TMEM108: variants seen among roughly 807,000 people sequenced by gnomAD.
The protein encoded by TMEM108 is cancer/testis antigen 124.
Under a neutral mutation model 35.1 loss-of-function variants are expected in TMEM108, and 12 were observed. The ratio of observed to expected loss-of-function variants is 0.34; its 90% CI spans 0.22 to 0.55. The LOEUF (loss-of-function observed/expected upper bound fraction) is 0.55. Among genes scored for constraint, TMEM108 ranks in the 20% least tolerant of loss-of-function variants. The probability of loss-of-function intolerance (pLI) is 0.89; values close to 1 mark genes in which losing one functional copy is unlikely to be tolerated. For missense variants in TMEM108, 680 were observed against 753.3 expected, an observed-to-expected ratio of 0.90 and a Z score of 1.14; for synonymous variants, 287 against 308.6, an observed-to-expected ratio of 0.93 and a Z score of 0.73.
intron 2 of TMEM108, among the ~76,000 whole-genome samples, chr3:133,164,234 G>A (rs2107782447): frequency 6.6e-6 from 1 of 152,270 alleles, no homozygotes; most frequent in Non-Finnish European, 1.5e-5. Flanking sequence ...ACAAGACCAA[G>A]TGTCAAGTCA....
At chr3:133,313,291 G>A (rs150822300) in intron 3 of TMEM108, among the ~76,000 whole-genome samples, 2,681 of 151,210 alleles carry the variant, frequency 0.018, 67 homozygotes, top group African/African-American at 0.06. Flanking sequence ...TCCGCCTCCC[G>A]GGTGCACACC....
rs1576315302 is a variant in TMEM108, at chr3:133,094,829, T to A, written c.-47+48809T>A. Among the ~76,000 whole-genome samples the A allele has an allele frequency of 3.3e-5, 5 of 152,338 alleles. 1 individual carries two copies. Among genetic ancestry groups the A allele is most frequent in the Admixed American group, 3.3e-4 (5 of 15,284 alleles). Reference sequence around the variant, plus strand: ...CATAACACTTTATCTTGTTTTTTTTTAATTCAGGGTATTTATTACTTCCTC... The same window carrying A: ...CATAACACTTTATCTTGTTTTTTTTAAATTCAGGGTATTTATTACTTCCTC... On this transcript the variant is annotated intron_variant, in intron 2 of 5. Coordinates refer to ENST00000321871, the MANE Select transcript of TMEM108 (RefSeq NM_023943.4).
At chr3:133,178,986 G>A (rs1945285624) in intron 2 of TMEM108, among the ~76,000 whole-genome samples, 1 of 152,154 alleles carries the variant, frequency 6.6e-6, no homozygotes, top group African/African-American at 2.4e-5. Context: ...CCATCAAAAA[G>A]TGGGCGAAAG....
chr3:133,299,800 A>G (rs549344304), intron 3 of TMEM108, among the ~76,000 whole-genome samples: 2 of 152,210 alleles, frequency 1.3e-5, no homozygotes, highest in African/African-American at 4.8e-5. Flanking sequence ...CTTCTCCTGG[A>G]CCATCCCAGT....
chr3:133,359,248 A>G lies in TMEM108; in HGVS notation c.41-20504A>G, dbSNP rs945703618. On this transcript the variant is annotated intron_variant, in intron 3 of 5. Transcript: ENST00000321871. ...GCTGGCAAGAAAATTCTATAGTCAA[A>G]TCATTTTGGAAACCCTGCTTTTTAA... 4.6e-5 allele frequency among the ~76,000 whole-genome samples: 7 copies of G among 152,326 alleles called. No individual in the cohort carries two copies. In the East Asian group the frequency reaches 9.6e-4, roughly 21 times the overall value.
At chr3:133,114,139 T>A (rs555281496) in intron 2 of TMEM108, among the ~76,000 whole-genome samples, 142 of 152,264 alleles carry the variant, frequency 9.3e-4, no homozygotes, top group Non-Finnish European at 1.3e-3. Flanking sequence ...TGGAGTCTCA[T>A]GTGTGCATTC....
intron 3 of TMEM108, among the ~76,000 whole-genome samples, chr3:133,250,532 A>G (rs1394534886): frequency 6.6e-6 from 1 of 152,244 alleles, no homozygotes; most frequent in African/African-American, 2.4e-5. Flanking sequence ...TGGGTGAGTC[A>G]AAAGTTATAT....
chr3:133,360,170 T>C (rs1283338366), intron 3 of TMEM108, among the ~76,000 whole-genome samples: 1 of 152,032 alleles, frequency 6.6e-6, no homozygotes, highest in Non-Finnish European at 1.5e-5. Context: ...AGAAAGCAGA[T>C]CATTTGCTTG....
chr3:133,067,021 T>C (rs1027346058), intron 2 of TMEM108, among the ~76,000 whole-genome samples: 1 of 152,208 alleles, frequency 6.6e-6, no homozygotes, highest in Non-Finnish European at 1.5e-5. Flanking sequence ...GGTAAACATG[T>C]ACTACTTATC....
intron 2 of TMEM108, among the ~76,000 whole-genome samples, chr3:133,166,496 G>A (rs1195811817): frequency 1.3e-5 from 2 of 152,208 alleles, no homozygotes; most frequent in Non-Finnish European, 2.9e-5. Flanking sequence ...TCCGGAGTTT[G>A]TTCCTTCTGA....
At chr3:133,117,940 G>T (rs541821992) in intron 2 of TMEM108, among the ~76,000 whole-genome samples, 1 of 152,276 alleles carries the variant, frequency 6.6e-6, no homozygotes, top group Admixed American at 6.5e-5. Flanking sequence ...GTCCAGAGAG[G>T]CGGGAAGCTG....
chr3:133,326,695 G>A (rs1200005654), intron 3 of TMEM108, among the ~76,000 whole-genome samples: 2 of 152,186 alleles, frequency 1.3e-5, no homozygotes, highest in African/African-American at 2.4e-5. Context: ...CCTAAAGGAA[G>A]GAACCGTACT....
intron 2 of TMEM108, among the ~76,000 whole-genome samples, chr3:133,078,263 C>A (rs1478637655): frequency 6.6e-6 from 1 of 151,870 alleles, no homozygotes; most frequent in Non-Finnish European, 1.5e-5. Flanking sequence ...AGGGCATATA[C>A]CTCCCTATTC....
In TMEM108 at chr3:133,397,459, G is replaced by A. The variant is rs1004381645; in HGVS notation, c.*1473G>A. 5.3e-5 allele frequency: 8 copies of A among 150,874 alleles called. No homozygotes were observed. Among genetic ancestry groups the A allele is most frequent in the African/African-American group, 7.3e-5 (3 of 41,170 alleles). The allele number at this position is 150,874 out of a possible 1,614,324, so 9.3% of individuals were successfully genotyped here. On this transcript the variant is annotated 3_prime_UTR_variant, in exon 6 of 6. Coordinates refer to ENST00000321871, the MANE Select transcript of TMEM108 (RefSeq NM_023943.4). ...GTATGAACCTCCTTCACATGAGTTC[G>A]GTTGTTGTCTCTCTTCAAAGACTCT...
At chr3:133,384,911 C>G (rs1338510256) in intron 4 of TMEM108, among the ~76,000 whole-genome samples, 1 of 152,210 alleles carries the variant, frequency 6.6e-6, no homozygotes, top group Non-Finnish European at 1.5e-5. Context: ...ATCACCAACT[C>G]AAGTTCACCC....
chr3:133,163,005 G>A lies in TMEM108; in HGVS notation c.-46-66261G>A, dbSNP rs1057295936. Among the ~76,000 whole-genome samples the A allele has an allele frequency of 2.6e-5, 4 of 152,156 alleles. No individual in the cohort carries two copies. In the South Asian group the frequency reaches 8.3e-4, roughly 32 times the overall value. ...CTCCCACCCCATATAGATTTTAGTA[G>A]GAAGTCTGCATCTAAGGAATTTGAG... is the stretch of plus-strand genomic sequence containing the variant. On this transcript the variant is annotated intron_variant, in intron 2 of 5. Coordinates refer to ENST00000321871, the MANE Select transcript of TMEM108 (RefSeq NM_023943.4).
intron 2 of TMEM108, among the ~76,000 whole-genome samples, chr3:133,078,804 A>G (rs993671184): frequency 2.0e-5 from 3 of 152,182 alleles, no homozygotes; most frequent in African/African-American, 7.2e-5. Flanking sequence ...GCACACACAC[A>G]TATATTTTAT....
chr3:133,264,168 C>A (rs1946663444), intron 3 of TMEM108, among the ~76,000 whole-genome samples: 1 of 151,286 alleles, frequency 6.6e-6, no homozygotes, highest in South Asian at 2.1e-4. Context: ...AAATAGAAAA[C>A]TTTTTTTTAA....
At chr3:133,131,664 G>C (rs747084117) in intron 2 of TMEM108, among the ~76,000 whole-genome samples, 1 of 151,018 alleles carries the variant, frequency 6.6e-6, no homozygotes, top group South Asian at 2.1e-4. Context: ...TATTAAATTC[G>C]ACCAATTAAT....
Sources: gnomAD v4.1 joint callset for allele counts (sites outside exome capture counted in the v4.1 genomes callset) on GRCh38, gnomAD v4.1.1 for gene constraint, MANE v1.5 for transcripts, NCBI Gene and HGNC (gene_info 2026-07-23, HGNC 2026-07-21) for gene names.